Variants in GRAMD1C observed in about 807,000 individuals in gnomAD.
GRAMD1C encodes the protein protein Aster-C.
Under a neutral mutation model 97.8 loss-of-function variants are expected in GRAMD1C, and 89 were observed. The ratio of observed to expected loss-of-function variants is 0.91; its 90% CI spans 0.77 to 1.09. The LOEUF (loss-of-function observed/expected upper bound fraction) is 1.09. GRAMD1C is among the 50% of genes least tolerant of loss of function. The probability of loss-of-function intolerance (pLI) is 0.00; values close to 1 mark genes in which losing one functional copy is unlikely to be tolerated. For missense variants in GRAMD1C, 740 were observed against 766.4 expected (o/e 0.97, Z 0.41); for synonymous variants, 256 against 267.0 (o/e 0.96, Z 0.40).
chr3:113,864,199 G>C (rs1211737287), intron 2 of GRAMD1C, among the ~76,000 whole-genome samples: 1 of 152,044 alleles, frequency 6.6e-6, no homozygotes, highest in Non-Finnish European at 1.5e-5. Context: ...TGCAACCTCT[G>C]CCTCCTGGGT....
At chr3:113,849,299 A>AT (rs1235600112) in intron 2 of GRAMD1C, among the ~76,000 whole-genome samples, 27 of 143,894 alleles carry the variant, frequency 1.9e-4, no homozygotes, top group Middle Eastern at 3.5e-3. Flanking sequence ...TTATTTATTT[A>AT]TTTATTTATT....
chr3:113,892,849 A>G (rs1935791499), intron 6 of GRAMD1C, among the ~76,000 whole-genome samples: 1 of 151,778 alleles, frequency 6.6e-6, no homozygotes, highest in Non-Finnish European at 1.5e-5. Flanking sequence ...CTTTTTTTTC[A>G]TTTGTGCCAG....
intron 12 of GRAMD1C, among the ~76,000 whole-genome samples, chr3:113,934,060 G>A (rs1438514208): frequency 6.6e-6 from 1 of 152,192 alleles, no homozygotes; most frequent in East Asian, 1.9e-4. Flanking sequence ...GGGCCATCAT[G>A]TACTTGGCCT....
intron 9 of GRAMD1C, among the ~76,000 whole-genome samples, chr3:113,913,826 G>A (rs989734056): frequency 6.6e-6 from 1 of 152,162 alleles, no homozygotes; most frequent in Non-Finnish European, 1.5e-5. Flanking sequence ...GTGAAGTTAT[G>A]AAGACGGTTG....
intron 6 of GRAMD1C, among the ~76,000 whole-genome samples, chr3:113,899,934 A>AT (rs773896311): frequency 2.0e-5 from 3 of 152,220 alleles, no homozygotes; most frequent in Non-Finnish European, 4.4e-5. Context: ...TTTAAAATTT[A>AT]TTGATATATA....
chr3:113,914,163 A>G (rs1294030767), intron 9 of GRAMD1C, among the ~76,000 whole-genome samples: 4 of 152,222 alleles, frequency 2.6e-5, no homozygotes, highest in African/African-American at 4.8e-5. Flanking sequence ...CTTCTGTGTC[A>G]GAAAAAGCTG....
intron 16 of GRAMD1C, 52 bp from the exon 17 acceptor site, chr3:113,940,188 A>T (rs981757241): frequency 2.8e-5 from 31 of 1,116,476 alleles, no homozygotes; most frequent in Middle Eastern, 2.0e-4. Flanking sequence ...TGGAAATGAA[A>T]AAAAGATCAG....
chr3:113,919,834 A>G (rs1936968904), intron 10 of GRAMD1C: 1 of 645,346 alleles, frequency 1.5e-6, no homozygotes, highest in Non-Finnish European at 2.9e-6. Flanking sequence ...TAAAAATACA[A>G]CATATGGAGT....
At chr3:113,846,011 C>T (rs558544283) in intron 2 of GRAMD1C, among the ~76,000 whole-genome samples, 56 of 152,034 alleles carry the variant, frequency 3.7e-4, no homozygotes, top group Non-Finnish European at 6.3e-4. Flanking sequence ...AATAACAATA[C>T]ATCCTAAAAA....
intron 10 of GRAMD1C, among the ~76,000 whole-genome samples, chr3:113,917,856 C>CTTTTTT (rs71144097): frequency 2.6e-4 from 11 of 41,920 alleles, no homozygotes; most frequent in East Asian, 6.8e-4. Context: ...CCATGCTTGG[C>CTTTTTT]TTTTTTTTTT....
intron 6 of GRAMD1C, among the ~76,000 whole-genome samples, chr3:113,889,697 A>G (rs1935642736): frequency 6.6e-6 from 1 of 151,772 alleles, no homozygotes; most frequent in African/African-American, 2.4e-5. Context: ...CTAGAGTGCA[A>G]TGGCGATCTC....
At chr3:113,847,128 A>G (rs1357621747) in intron 2 of GRAMD1C, among the ~76,000 whole-genome samples, 2 of 152,212 alleles carry the variant, frequency 1.3e-5, no homozygotes, top group Non-Finnish European at 1.5e-5. Context: ...TTAGTTGATA[A>G]TAACACATAG....
chr3:113,910,691 A>C (rs1360027428), intron 9 of GRAMD1C, among the ~76,000 whole-genome samples: 1 of 152,190 alleles, frequency 6.6e-6, no homozygotes, highest in African/African-American at 2.4e-5. Flanking sequence ...TTTTATACTA[A>C]TAGTAACAAA....
In GRAMD1C at chr3:113,936,396, G is replaced by A. The variant is rs1202409399; in HGVS notation, c.1587G>A (p.Gln529=). The A allele has an allele frequency of 1.2e-6, 2 of 1,613,568 alleles. No individual in the cohort carries two copies. The highest frequency in any genetic ancestry group is 2.2e-5 in the East Asian group (1 of 44,852). ...AAACAGTTCCTAAACTTTCCTCTCA[G>A]CATTCCTCTGGAGATGTGGGCTTAG... is the stretch of plus-strand genomic sequence containing the variant. ...TAETVPKLSS[Q]HSSGDVGLGA... Residue 529 remains glutamine (Q), a synonymous_variant, in exon 14 of 18, where the codon CAG becomes CAA. Transcript: ENST00000358160.
At chr3:113,927,096 T>G (rs906533732) in intron 10 of GRAMD1C, among the ~76,000 whole-genome samples, 1 of 151,918 alleles carries the variant, frequency 6.6e-6, no homozygotes, top group African/African-American at 2.4e-5. Context: ...ACCTTTGTTT[T>G]CACAGGTGTT....
Position 113,882,195 on chromosome 3 carries a change from CTT to C in GRAMD1C, c.460-556_460-555del, listed in dbSNP as rs938455995. 5.3e-5 allele frequency among the ~76,000 whole-genome samples: 8 copies of C among 152,196 alleles called. No homozygotes were observed. In the South Asian group the frequency reaches 1.5e-3, roughly 28 times the overall value. On this transcript the variant is annotated intron_variant, in intron 5 of 17. Coordinates refer to ENST00000358160, the MANE Select transcript of GRAMD1C (RefSeq NM_017577.5). ...ATAGATTGAAACATACTACTTTTCT[CTT>C]ATAGCATTCAAAGGAAAGTGCAGTG...
At chr3:113,866,116 A>G (rs1375972554) in intron 2 of GRAMD1C, among the ~76,000 whole-genome samples, 5 of 152,172 alleles carry the variant, frequency 3.3e-5, no homozygotes, top group Non-Finnish European at 7.4e-5. Flanking sequence ...AAAATGTTCA[A>G]GTCTCTTATA....
intron 10 of GRAMD1C, among the ~76,000 whole-genome samples, chr3:113,918,103 G>T (rs1936901120): frequency 6.6e-6 from 1 of 152,048 alleles, no homozygotes; most frequent in Admixed American, 6.5e-5. Context: ...CAAAGAGATT[G>T]CAGTCAGTAG....
rs757309054 is a variant in GRAMD1C at position 113,844,551 on chromosome 3, G to T, written c.76G>T (p.Val26Leu). 6.2e-7 allele frequency: 1 copy of T among 1,605,752 alleles called. No individual in the cohort carries two copies. The highest frequency in any genetic ancestry group is 1.1e-5 in the South Asian group (1 of 90,406). Residue 26 changes from valine (V) to leucine (L), a missense_variant, in exon 2 of 18, where the codon GTA (valine) becomes TTA (leucine). Coordinates refer to ENST00000358160, the MANE Select transcript of GRAMD1C (RefSeq NM_017577.5). ...CCTTGCCACCGACTTACAGGAAGAT[G>T]TAGAGGAAAATCCTAGTCCAACTGT... The part of the protein sequence containing the change: ...SSLATDLQED[V>L]EENPSPTVEE...
Sources: allele counts gnomAD v4.1 joint callset (sites outside exome capture counted in the v4.1 genomes callset), GRCh38; gene constraint gnomAD v4.1.1; transcripts MANE v1.5; gene names NCBI Gene and HGNC (gene_info 2026-07-23, HGNC 2026-07-21).